Variants in TVP23A observed in about 807,000 individuals in gnomAD.
TVP23A encodes trans-golgi network vesicle protein 23 homolog A, also known as Golgi apparatus membrane protein TVP23 homolog A.
Under a neutral mutation model 31.7 loss-of-function variants are expected in TVP23A, and 21 were observed. The ratio of observed to expected loss-of-function variants is 0.66; its 90% confidence interval spans 0.47 to 0.95. The LOEUF (loss-of-function observed/expected upper bound fraction) is 0.95, where lower values mean the gene tolerates loss of function less well. Among genes scored for constraint, TVP23A ranks in the 40% least tolerant of loss-of-function variants. TVP23A has a pLI of 0.00. For missense variants in TVP23A, 279 were observed against 255.6 expected (o/e 1.09, Z -0.62); for synonymous variants, 104 against 96.0 (o/e 1.08, Z -0.49).
downstream of TVP23A, chr16:10,761,914 C>G (rs573623584): frequency 7.1e-7 from 1 of 1,405,380 alleles, no homozygotes; most frequent in Non-Finnish European, 1.0e-6. Context: ...CCCACAGGCA[C>G]GGGTCGGGCA....
At chr16:10,757,883 G>A (rs1332386593), downstream of TVP23A, 2 of 1,613,598 alleles carry the variant, frequency 1.2e-6, no homozygotes, top group South Asian at 1.1e-5. The surrounding 1 kb of genome is among the most constrained non-coding windows in gnomAD (Gnocchi z 4.1). Flanking sequence ...GCATGATCAA[G>A]CAGTTCCTCC....
Position 10,768,936 on chromosome 16 carries a change from C to A in TVP23A, c.*166G>T. ...CACAGACACAGGTCTTTTTATGGAA[C>A]TAGCCAGAGGATTCCACCCCTGTCA... On this transcript the variant is annotated 3_prime_UTR_variant, in exon 8 of 8. Transcript: ENST00000299866. This position sits in a 1 kb window ranked among gnomAD's most constrained non-coding sequence, Gnocchi z 4.3. The A allele has an allele frequency of 1.1e-6, 1 of 905,848 alleles. No individual in the cohort carries two copies. The highest frequency in any genetic ancestry group is 1.8e-6 in the Non-Finnish European group (1 of 563,758). The allele number at this position is 905,848 out of a possible 1,614,324, so 56.1% of individuals were successfully genotyped here. A position where few individuals can be genotyped will look rare whatever the true frequency, so the allele number is the denominator to read the frequency against.
chr16:10,771,866 TG>T, intron 5 of TVP23A, 68 bp from the exon 6 acceptor site: 2 of 1,529,940 alleles, frequency 1.3e-6, no homozygotes, highest in South Asian at 1.2e-5. Context: ...TCGCCCAGGC[TG>T]GGGTGCAGAG....
rs1011152401 is a variant in TVP23A at position 10,807,604 on chromosome 16, A to G, written c.89+10499T>C. Among the ~76,000 whole-genome samples, 7 of 152,174 alleles carry G rather than the reference A, an allele frequency of 4.6e-5. 1 individual carries two copies. The East Asian group carries it at 5.8e-4, about 13-fold the overall frequency. On this transcript the variant is annotated intron_variant, in intron 2 of 7. Transcript: ENST00000299866. The stretch of plus-strand genomic sequence containing the variant: ...GGGCTGGGGTGCTGCCCAGCATCCT[A>G]TGATACATAGGACAGCCTCCACCAC...
At chr16:10,816,896 A>T (rs536785237) in intron 2 of TVP23A, among the ~76,000 whole-genome samples, 67 of 146,448 alleles carry the variant, frequency 4.6e-4, no homozygotes, top group African/African-American at 1.6e-3. Context: ...TAAATAAAAT[A>T]AAAAAAAAGA....
Position 10,817,438 on chromosome 16 carries a change from G to A in TVP23A, c.89+665C>T, listed in dbSNP as rs189706418. 1.4e-3 allele frequency among the ~76,000 whole-genome samples: 208 copies of A among 152,310 alleles called. 1 individual carries two copies. The highest frequency in any genetic ancestry group is 4.7e-3 in the African/African-American group (196 of 41,562). On this transcript the variant is annotated intron_variant, in intron 2 of 7. Coordinates refer to ENST00000299866, the MANE Select transcript of TVP23A (RefSeq NM_001079512.4). ...GCTGTGGGTGTTTCTAGAAGTGGCTGCCGCCTGGGCCATCGGCAACCACGT... is the reference window on the plus strand; with the variant it reads ...GCTGTGGGTGTTTCTAGAAGTGGCTACCGCCTGGGCCATCGGCAACCACGT...
intron 4 of TVP23A, 31 bp downstream of exon 4, chr16:10,774,008 T>C: frequency 1.3e-6 from 2 of 1,559,750 alleles, no homozygotes; most frequent in Non-Finnish European, 8.8e-7. Flanking sequence ...TTATCCCCGC[T>C]CTGGTTAGTT....
intron 2 of TVP23A, among the ~76,000 whole-genome samples, chr16:10,781,183 G>A (rs1210498157): frequency 6.6e-6 from 1 of 152,048 alleles, no homozygotes; most frequent in African/African-American, 2.4e-5. Context: ...ACAAAAATTA[G>A]CCTGGGATGG....
Position 10,775,200 on chromosome 16 carries a change from A to G in TVP23A, c.90-104T>C, listed in dbSNP as rs189705647. The G allele has an allele frequency of 2.1e-5, 31 of 1,489,772 alleles. No homozygotes were observed. In the East Asian group the frequency reaches 4.7e-4, roughly 23 times the overall value. The allele number at this position is 1,489,772 out of a possible 1,614,324, so 92.3% of individuals were successfully genotyped here. A position where few individuals can be genotyped will look rare whatever the true frequency, so the allele number is the denominator to read the frequency against. Reference sequence around the variant, plus strand: ...TTGCTGGGGGTGTTAGCGTGGCTCAATGGAATGTTCTCCCCGGTGCATATG... The same window carrying G: ...TTGCTGGGGGTGTTAGCGTGGCTCAGTGGAATGTTCTCCCCGGTGCATATG... On this transcript the variant is annotated intron_variant, in intron 2 of 7. Transcript: ENST00000299866.
At chr16:10,762,355 A>C (rs762170378), downstream of TVP23A, among the ~76,000 whole-genome samples, 25 of 152,174 alleles carry the variant, frequency 1.6e-4, no homozygotes, top group Non-Finnish European at 3.4e-4. Flanking sequence ...TTCCCAAAAA[A>C]TGCTCTTCTT....
intron 3 of TVP23A, 47 bp from the exon 4 acceptor site, chr16:10,774,175 G>T (rs1187519448): frequency 2.1e-6 from 3 of 1,431,340 alleles, no homozygotes; most frequent in Non-Finnish European, 2.9e-6. Flanking sequence ...AGGCAAAGAG[G>T]CTTATTCACT....
At chr16:10,769,223 G>A (rs2031344748) in intron 7 of TVP23A, 122 bp from the exon 8 acceptor site, 2 of 811,228 alleles carry the variant, frequency 2.5e-6, no homozygotes, top group African/African-American at 1.7e-5. Flanking sequence ...ACCAGATGCT[G>A]GTGTGGTCCG....
chr16:10,778,465 C>T (rs2032213333), intron 2 of TVP23A, among the ~76,000 whole-genome samples: 1 of 152,114 alleles, frequency 6.6e-6, no homozygotes, highest in Admixed American at 6.6e-5. Flanking sequence ...TGTCCCTTGC[C>T]CCTGGAGATA....
chr16:10,818,097 A>G lies in TVP23A; in HGVS notation c.89+6T>C. The G allele has an allele frequency of 6.2e-7, 1 of 1,606,006 alleles. No individual in the cohort carries two copies. The highest frequency in any genetic ancestry group is 8.5e-7 in the Non-Finnish European group (1 of 1,176,270). Reference sequence around the variant, plus strand: ...AACGCCTGACCCAAGCTCCATCCCAACACACCTGATCTTGGCTTTCCTAAA... The same window carrying G: ...AACGCCTGACCCAAGCTCCATCCCAGCACACCTGATCTTGGCTTTCCTAAA... On this transcript the variant is annotated splice_donor_region_variant and intron_variant, in intron 2 of 7. Transcript: ENST00000299866. This position sits in a 1 kb window ranked among gnomAD's most constrained non-coding sequence, Gnocchi z 4.7.
chr16:10,804,269 C>A, intron 2 of TVP23A, among the ~76,000 whole-genome samples: 1 of 152,194 alleles, frequency 6.6e-6, no homozygotes, highest in East Asian at 1.9e-4. Flanking sequence ...CTGGAAAATG[C>A]TTTCGTTGGG....
At position 10,778,901 on chromosome 16, in the gene TVP23A, G is replaced by A. The variant is rs527335278; in HGVS notation, c.90-3805C>T. Among the ~76,000 whole-genome samples, 18 of 152,326 alleles carry A rather than the reference G, an allele frequency of 1.2e-4. No homozygotes were observed. In the South Asian group the frequency reaches 2.3e-3, roughly 19 times the overall value. Reference sequence around the variant, plus strand: ...GAATTGCTTGAACCTGGGAGGCAGAGGTTGCAGTGAGCTGAGATTGCACCA... The same window carrying A: ...GAATTGCTTGAACCTGGGAGGCAGAAGTTGCAGTGAGCTGAGATTGCACCA... On this transcript the variant is annotated intron_variant, in intron 2 of 7. Coordinates refer to ENST00000299866, the MANE Select transcript of TVP23A (RefSeq NM_001079512.4).
chr16:10,769,219 T>C, intron 7 of TVP23A, 118 bp from the exon 8 acceptor site: 1 of 871,756 alleles, frequency 1.1e-6, no homozygotes, highest in Non-Finnish European at 1.9e-6. Flanking sequence ...AAGGACCAGA[T>C]GCTGGTGTGG....
chr16:10,815,761 G>C (rs1285975623), intron 2 of TVP23A, among the ~76,000 whole-genome samples: 2 of 152,108 alleles, frequency 1.3e-5, no homozygotes, highest in African/African-American at 4.8e-5. Context: ...CTAGCCCAGA[G>C]TTGAGCATAC....
At chr16:10,760,769 C>G (rs1900894078), downstream of TVP23A, 1 of 152,196 alleles carries the variant, frequency 6.6e-6, no homozygotes, top group Non-Finnish European at 1.5e-5. Context: ...AGGTTGATTT[C>G]TTGCTATTTG....
Sources: gnomAD v4.1 joint callset for allele counts (sites outside exome capture counted in the v4.1 genomes callset) on GRCh38, gnomAD v4.1.1 for gene constraint, Gnocchi (gnomAD v3.1) non-coding constraint, MANE v1.5 for transcripts, NCBI Gene and HGNC (gene_info 2026-07-23, HGNC 2026-07-21) for gene names.